Variants in ZNF573 observed in about 807,000 individuals in gnomAD.
The protein encoded by ZNF573 is zinc finger protein 573.
A neutral mutation model predicts 57.4 loss-of-function variants in ZNF573; 41 were observed. The ratio of observed to expected loss-of-function variants is 0.71; its 90% confidence interval spans 0.56 to 0.93. ZNF573 has a LOEUF of 0.93. Ranked by LOEUF, ZNF573 falls within the 40% of genes least tolerant of loss-of-function variation. The probability of loss-of-function intolerance (pLI) is 0.00; values close to 1 mark genes in which losing one functional copy is unlikely to be tolerated. For synonymous variants in ZNF573, 249 were observed against 261.0 expected (o/e 0.95, Z 0.44); for missense variants, 730 against 794.8 (o/e 0.92, Z 0.98).
At chr19:37,756,124 G>C (rs1599693863) in intron 4 of ZNF573, among the ~76,000 whole-genome samples, 1 of 152,206 alleles carries the variant, frequency 6.6e-6, no homozygotes, top group South Asian at 2.1e-4. Flanking sequence ...AGTGGGCACA[G>C]AGTTGTTATA....
chr19:37,773,648 T>G lies in ZNF573; in HGVS notation c.69+13A>C. On this transcript the variant is annotated intron_variant, in intron 2 of 4. Transcript: ENST00000536220. ...ATCATGATATTGCAAGGAAACAGAA[T>G]TAATCAACTTACACAGGTCATGGTT... The G allele has an allele frequency of 6.5e-7, 1 of 1,531,614 alleles. No homozygotes were observed. The allele number at this position is 1,531,614 out of a possible 1,614,324, so 94.9% of individuals were successfully genotyped here.
chr19:37,764,084 A>G (rs2045578059), intron 4 of ZNF573, among the ~76,000 whole-genome samples: 1 of 139,496 alleles, frequency 7.2e-6, no homozygotes, highest in Non-Finnish European at 1.6e-5. Context: ...AAAAAAAAAT[A>G]GAATAAAGGA....
At chr19:37,778,152 T>C (rs1197664152) in intron 1 of ZNF573, among the ~76,000 whole-genome samples, 1 of 151,698 alleles carries the variant, frequency 6.6e-6, no homozygotes, top group Non-Finnish European at 1.5e-5. Context: ...AAAATGTGTC[T>C]TAAAGTCTCA....
At chr19:37,744,232 G>A (rs1291960939) in intron 4 of ZNF573, among the ~76,000 whole-genome samples, 1 of 152,070 alleles carries the variant, frequency 6.6e-6, no homozygotes, top group African/African-American at 2.4e-5. Flanking sequence ...TCCCAAGCAG[G>A]TCATAAAACA....
intron 4 of ZNF573, among the ~76,000 whole-genome samples, chr19:37,764,645 C>T (rs1419299282): frequency 2.7e-5 from 4 of 150,290 alleles, no homozygotes; most frequent in East Asian, 2.0e-4. Context: ...GCTCTTTCAC[C>T]CAGGCTGGAC....
chr19:37,752,032 T>C (rs1437365736), intron 4 of ZNF573, among the ~76,000 whole-genome samples: 2 of 150,158 alleles, frequency 1.3e-5, no homozygotes, highest in African/African-American at 2.5e-5. Context: ...ATATATACTG[T>C]ATATAGTATA....
At chr19:37,746,583 C>T (rs2045384700) in intron 4 of ZNF573, among the ~76,000 whole-genome samples, 1 of 152,010 alleles carries the variant, frequency 6.6e-6, no homozygotes, top group African/African-American at 2.4e-5. Context: ...ATTACCCAGA[C>T]CTTGTTTTTT....
Position 37,770,039 on chromosome 19 carries a change from G to A in ZNF573, c.261C>T (p.Pro87=). ...VVDLLERGKE[P]WMILREETQF... The stretch of plus-strand genomic sequence containing the variant: ...GTGTTTCTTCCCTCAAAATCATCCA[G>A]GGCTCTTTTCCTCGCTCCAGTAAAT... The change falls in exon 4 of 5, where the codon CCC becomes CCT. Residue 87 remains proline, a synonymous_variant. Transcript: ENST00000536220. 6.4e-6 allele frequency: 10 copies of A among 1,551,876 alleles called. No homozygotes were observed. The highest frequency in any genetic ancestry group is 8.7e-6 in the Non-Finnish European group (10 of 1,147,200).
chr19:37,763,151 C>G (rs531402904), intron 4 of ZNF573, among the ~76,000 whole-genome samples: 1 of 152,138 alleles, frequency 6.6e-6, no homozygotes, highest in East Asian at 1.9e-4. Context: ...GCTCTAGCAC[C>G]TGTGGAAAAG....
At chr19:37,764,846 G>A (rs1599702397) in intron 4 of ZNF573, among the ~76,000 whole-genome samples, 2 of 150,686 alleles carry the variant, frequency 1.3e-5, no homozygotes, top group South Asian at 4.2e-4. Flanking sequence ...CTCGTGATCC[G>A]TCTGCCTTGG....
intron 1 of ZNF573, among the ~76,000 whole-genome samples, 195 bp downstream of exon 1, chr19:37,779,349 C>G (rs934612127): frequency 6.6e-6 from 1 of 152,108 alleles, no homozygotes. Context: ...CTCAAATACC[C>G]TCCTCTGCTG....
intron 4 of ZNF573, among the ~76,000 whole-genome samples, chr19:37,756,789 T>TTA (rs1331102378): frequency 2.6e-5 from 4 of 151,862 alleles, no homozygotes; most frequent in African/African-American, 9.7e-5. Flanking sequence ...CTATATCATT[T>TTA]TATATATATA....
intron 4 of ZNF573, among the ~76,000 whole-genome samples, chr19:37,740,942 C>T (rs1223059916): frequency 1.3e-5 from 2 of 152,112 alleles, no homozygotes; most frequent in East Asian, 1.9e-4. Context: ...ACTGTTGCTT[C>T]GAAAATAATG....
chr19:37,751,037 GTATA>G (rs1411224954), intron 4 of ZNF573, among the ~76,000 whole-genome samples: 1 of 150,430 alleles, frequency 6.6e-6, no homozygotes, highest in Non-Finnish European at 1.5e-5. Flanking sequence ...TATATAGACA[GTATA>G]TATACTGTCT....
Position 37,740,045 on chromosome 19 carries a change from G to A in ZNF573, c.445C>T (p.Leu149Phe). The A allele has an allele frequency of 6.2e-7, 1 of 1,614,114 alleles. No individual in the cohort carries two copies. The highest frequency in any genetic ancestry group is 1.1e-5 in the South Asian group (1 of 91,068). Residue 149 changes from leucine to phenylalanine, a missense_variant, in exon 5 of 5, where the codon CTT (leucine) becomes TTT (phenylalanine). Leu to Phe is a conservative substitution (Grantham distance 22, BLOSUM62 0). Transcript: ENST00000536220. ...ACATGAAACCTGTGATGTAGAATAA[G>A]TTGATAACCACTACTAAATTTCTTC... ...CQKKFSSGYQ[L>F]ILHHRFHVIE...
At chr19:37,769,984 G>A (rs907741798) in intron 4 of ZNF573, 21 bp downstream of exon 4, 1 of 1,543,694 alleles carries the variant, frequency 6.5e-7, no homozygotes. Context: ...CGGCCCTGAT[G>A]GTGTCCCCTG....
In ZNF573 at chr19:37,738,426, A is replaced by G. The variant is rs931559062; in HGVS notation, c.*66T>C. On this transcript the variant is annotated 3_prime_UTR_variant, in exon 5 of 5. Transcript: ENST00000536220. The stretch of plus-strand genomic sequence containing the variant: ...CTAAAGCCATACCTATAAGACTAAC[A>G]TTCCATCATTTCTCACCAGTGTGGG... 8.2e-6 allele frequency: 12 copies of G among 1,458,882 alleles called. No individual in the cohort carries two copies. In the Admixed American group the frequency reaches 3.0e-4, roughly 36 times the overall value. The allele number at this position is 1,458,882 out of a possible 1,614,324, so 90.4% of individuals were successfully genotyped here. A position where few individuals can be genotyped will look rare whatever the true frequency, so the allele number is the denominator to read the frequency against.
At position 37,739,680 on chromosome 19, in the gene ZNF573, G is replaced by A. The variant is rs80333275; in HGVS notation, c.810C>T (p.Gly270=). The change falls in exon 5 of 5, where the codon GGC becomes GGT. Residue 270 remains glycine, a synonymous_variant. Coordinates refer to ENST00000536220, the MANE Select transcript of ZNF573 (RefSeq NM_001172690.2). ...ATTCCTTACATTTATATGGTTTTTC[G>A]CCAGTATGAACTCTCTGATGAATTC... is the stretch of plus-strand genomic sequence containing the variant. ...HLRIHQRVHT[G]EKPYKCKECG... The A allele has an allele frequency of 0.011, 17,289 of 1,613,306 alleles. 123 individuals carry two copies. Among genetic ancestry groups the A allele is most frequent in the South Asian group, 0.015 (1,349 of 90,932 alleles).
intron 4 of ZNF573, among the ~76,000 whole-genome samples, chr19:37,743,351 A>G (rs2045346480): frequency 6.6e-6 from 1 of 151,484 alleles, no homozygotes; most frequent in African/African-American, 2.4e-5. Flanking sequence ...GAAGAAGAAG[A>G]CATTTATGAG....
Sources: gnomAD v4.1 joint callset for allele counts (sites outside exome capture counted in the v4.1 genomes callset) on GRCh38, gnomAD v4.1.1 for gene constraint, MANE v1.5 for transcripts, NCBI Gene and HGNC (gene_info 2026-07-23, HGNC 2026-07-21) for gene names.